The following QRICH1 variants were observed in gnomAD, a reference collection of about 807,000 sequenced individuals.
The protein encoded by QRICH1 is transcriptional regulator QRICH1.
A neutral mutation model predicts 87.1 loss-of-function variants in QRICH1; 16 were observed. The observed-to-expected ratio is 0.18, with a 90% CI of 0.12 to 0.28. The LOEUF is 0.28. QRICH1 is among the 10% of genes least tolerant of loss of function. The pLI is 1.00. For missense variants in QRICH1, 647 were observed against 951.7 expected, an observed-to-expected ratio of 0.68 and a Z score of 4.21; for synonymous variants, 367 against 368.4, an observed-to-expected ratio of 1.00 and a Z score of 0.05.
intron 9 of QRICH1, among the ~76,000 whole-genome samples, chr3:49,031,086 A>C (rs943326332): frequency 6.8e-5 from 10 of 147,860 alleles, no homozygotes; most frequent in Non-Finnish European, 1.2e-4. Context: ...CCCTTGGTTG[A>C]AGCGATTCTC....
chr3:49,058,961 CTTTT>C (rs1160675425), intron 2 of QRICH1, among the ~76,000 whole-genome samples: 7 of 119,268 alleles, frequency 5.9e-5, no homozygotes, highest in Admixed American at 8.8e-5. Context: ...GAGTTTCACT[CTTTT>C]TTTTTTTTTT....
In QRICH1 at chr3:49,047,105, C is replaced by G. The variant is rs768431279; in HGVS notation, c.1480G>C (p.Glu494Gln). The change falls in exon 4 of 10, where the codon GAG becomes CAG. Residue 494 changes from glutamate to glutamine, a missense_variant. Transcript: ENST00000395443. ...NWAQTKNAEL[E>Q]KDAQNRLAPI... ...GCCAATCTGTTCTGAGCATCCTTCT[C>G]TAGTTCAGCATTCTTGGTCTGGGCC... 2 of 1,614,162 alleles carry G rather than the reference C, an allele frequency of 1.2e-6. No individual in the cohort carries two copies. Among genetic ancestry groups the G allele is most frequent in the East Asian group, 4.5e-5 (2 of 44,882 alleles).
chr3:49,090,963 C>T (rs563575543), intron 1 of QRICH1, among the ~76,000 whole-genome samples: 59 of 152,200 alleles, frequency 3.9e-4, no homozygotes, highest in Non-Finnish European at 6.0e-4. Flanking sequence ...TGGCTCACGC[C>T]TGTAATCCCA....
chr3:49,031,951 G>A (rs368192211), intron 9 of QRICH1, among the ~76,000 whole-genome samples: 6 of 152,200 alleles, frequency 3.9e-5, no homozygotes, highest in African/African-American at 1.4e-4. Flanking sequence ...CCCTTTTCAT[G>A]AAAGGTGACT....
chr3:49,043,077 A>G (rs980733957), intron 6 of QRICH1, among the ~76,000 whole-genome samples: 1 of 152,198 alleles, frequency 6.6e-6, no homozygotes, highest in African/African-American at 2.4e-5. Context: ...TAACAAATGT[A>G]CCATACTAAC....
chr3:49,055,645 C>T (rs1158463123), intron 3 of QRICH1, among the ~76,000 whole-genome samples: 1 of 152,154 alleles, frequency 6.6e-6, no homozygotes, highest in East Asian at 1.9e-4. Context: ...TTACAGGCAA[C>T]TGCCACTGCA....
chr3:49,079,850 G>A (rs992850057), intron 1 of QRICH1, among the ~76,000 whole-genome samples: 7 of 152,068 alleles, frequency 4.6e-5, no homozygotes, highest in Non-Finnish European at 1.0e-4. Flanking sequence ...CCAACAAGGC[G>A]AAACCCTGTC....
intron 2 of QRICH1, among the ~76,000 whole-genome samples, chr3:49,066,269 C>T (rs897595202): frequency 2.0e-5 from 3 of 151,558 alleles, no homozygotes; most frequent in African/African-American, 7.3e-5. Context: ...GCATGAGTGA[C>T]AGTGAGACCT....
Position 49,030,222 on chromosome 3 carries a change from G to GA in QRICH1, c.*229dup, listed in dbSNP as rs1281633149. On this transcript the variant is annotated 3_prime_UTR_variant, in exon 10 of 10. Transcript: ENST00000395443. Reference sequence around the variant, plus strand: ...CAGCCAGCAACTTTCTAGGACATATGACACTCAAGGAAACCCAGAGCCACC... The same window carrying GA: ...CAGCCAGCAACTTTCTAGGACATATGAACACTCAAGGAAACCCAGAGCCACC... 1 of 550,860 alleles carries GA rather than the reference G, an allele frequency of 1.8e-6. No homozygotes were observed. The highest frequency in any genetic ancestry group is 2.0e-5 in the African/African-American group (1 of 50,896). 34.1% of individuals were successfully genotyped at this position (550,860 alleles called of 1,614,324 possible).
intron 3 of QRICH1, 141 bp downstream of exon 3, chr3:49,056,721 C>T: frequency 2.2e-6 from 3 of 1,384,638 alleles, no homozygotes; most frequent in Non-Finnish European, 3.0e-6. Flanking sequence ...GATGTTTCTC[C>T]CCCTCTTCTC....
intron 3 of QRICH1, 177 bp downstream of exon 3, chr3:49,056,685 C>T (rs2093404181): frequency 4.2e-6 from 5 of 1,182,982 alleles, no homozygotes; most frequent in African/African-American, 1.5e-5. Context: ...AGGATAAACT[C>T]TTTTTTCTGT....
intron 1 of QRICH1, 25 bp from the exon 2 acceptor site, chr3:49,077,063 T>C: frequency 1.5e-6 from 2 of 1,313,498 alleles, no homozygotes; most frequent in Non-Finnish European, 2.0e-6. Flanking sequence ...AAGTCAAAAT[T>C]ATGTTACTGT....
chr3:49,030,138 G>C lies in QRICH1; in HGVS notation c.*314C>G. On this transcript the variant is annotated 3_prime_UTR_variant, in exon 10 of 10. Transcript: ENST00000395443. ...ATTCCATCTCTCTTGAAGATGGAAA[G>C]GGGCCACATTTCTTTTCACAGTCCA... 1 of 432,434 alleles carries C rather than the reference G, an allele frequency of 2.3e-6. No homozygotes were observed. 26.8% of individuals were successfully genotyped at this position (432,434 alleles called of 1,614,324 possible). A position where few individuals can be genotyped will look rare whatever the true frequency, so the allele number is the denominator to read the frequency against.
chr3:49,088,249 G>A (rs557973655), intron 1 of QRICH1, among the ~76,000 whole-genome samples: 7 of 152,060 alleles, frequency 4.6e-5, no homozygotes, highest in South Asian at 4.2e-4. Flanking sequence ...CACCGTGCCC[G>A]ACCAGAATTG....
rs547195146 is a variant in QRICH1 at position 49,056,958 on chromosome 3, A to G, written c.1242T>C (p.His414=). The change falls in exon 3 of 10, where the codon CAT becomes CAC. Residue 414 remains histidine, a synonymous_variant. Coordinates refer to ENST00000395443, the MANE Select transcript of QRICH1 (RefSeq NM_198880.3). ...GTYQNTAQTV[H]IWDPQQQPQQ... The stretch of plus-strand genomic sequence containing the variant: ...GCGGCTGCTGTTGGGGGTCCCATAT[A>G]TGGACAGTTTGAGCCGTATTCTGGT... The G allele has an allele frequency of 2.9e-5, 47 of 1,613,982 alleles. No individual in the cohort carries two copies. Among genetic ancestry groups the G allele is most frequent in the African/African-American group, 1.2e-4 (9 of 74,876 alleles).
chr3:49,031,989 C>T lies in QRICH1; in HGVS notation c.2138+194G>A, dbSNP rs572598046. Among the ~76,000 whole-genome samples, 7 of 152,284 alleles carry T rather than the reference C, an allele frequency of 4.6e-5. No homozygotes were observed. In the East Asian group the frequency reaches 9.6e-4, roughly 21 times the overall value. On this transcript the variant is annotated intron_variant, in intron 9 of 9. Transcript: ENST00000395443. ...AGGGACCCGGGACCCCTTTTTCTATCAGTGCTAGGCACATCACACACCTTT... is the reference window on the plus strand; with the variant it reads ...AGGGACCCGGGACCCCTTTTTCTATTAGTGCTAGGCACATCACACACCTTT...
At chr3:49,083,639 TG>T (rs1307874523) in intron 1 of QRICH1, 5 of 152,158 alleles carry the variant, frequency 3.3e-5, no homozygotes, top group Non-Finnish European at 7.3e-5. Context: ...GGTTCTCGCC[TG>T]TAGTCCCAGC....
intron 3 of QRICH1, among the ~76,000 whole-genome samples, chr3:49,048,865 G>GCTCT (rs2106872658): frequency 6.7e-6 from 1 of 150,076 alleles, no homozygotes; most frequent in African/African-American, 2.4e-5. Flanking sequence ...GTAAGGTAGA[G>GCTCT]GCACATTGTC....
intron 6 of QRICH1, 177 bp from the exon 7 acceptor site, chr3:49,033,405 C>CA: frequency 2.5e-6 from 1 of 401,612 alleles, no homozygotes; most frequent in Middle Eastern, 6.4e-4. Context: ...AGCTGGGTCC[C>CA]AATCTGTTTC....
Sources: allele counts gnomAD v4.1 joint callset (sites outside exome capture counted in the v4.1 genomes callset), GRCh38; gene constraint gnomAD v4.1.1; transcripts MANE v1.5; gene names NCBI Gene and HGNC (gene_info 2026-07-23, HGNC 2026-07-21).